The following DLG2 variants were observed in gnomAD, a reference collection of about 807,000 sequenced individuals.
The protein encoded by DLG2 is discs large MAGUK scaffold protein 2, also known as disks large homolog 2.
Under a neutral mutation model 132.5 loss-of-function variants are expected in DLG2, and 45 were observed. The ratio of observed to expected loss-of-function variants is 0.34; its 90% confidence interval spans 0.27 to 0.44. The LOEUF (loss-of-function observed/expected upper bound fraction) is 0.44, where lower values mean the gene tolerates loss of function less well. Among genes scored for constraint, DLG2 ranks in the 20% least tolerant of loss-of-function variants. DLG2 has a pLI of 1.00. For missense variants in DLG2, 1,045 were observed against 1,196.9 expected (o/e 0.87, Z 1.87); for synonymous variants, 424 against 419.6 (o/e 1.01, Z -0.13).
intron 15 of DLG2, among the ~76,000 whole-genome samples, chr11:83,925,041 A>G (rs1287017124): frequency 6.6e-6 from 1 of 152,178 alleles, no homozygotes; most frequent in East Asian, 1.9e-4. Flanking sequence ...TAATAATCTG[A>G]TTGTAGTTAT....
chr11:85,464,107 T>C (rs1050216459), intron 3 of DLG2, among the ~76,000 whole-genome samples: 6 of 151,530 alleles, frequency 4.0e-5, no homozygotes, highest in East Asian at 2.0e-4. Flanking sequence ...AGATATACAG[T>C]GATAAAACAA....
At chr11:85,561,017 G>A (rs778175908) in intron 3 of DLG2, among the ~76,000 whole-genome samples, 1 of 150,702 alleles carries the variant, frequency 6.6e-6, no homozygotes, top group Non-Finnish European at 1.5e-5. Flanking sequence ...GGATGGCAGA[G>A]TAACAACATC....
chr11:84,174,154 A>T (rs1566813156), intron 8 of DLG2, among the ~76,000 whole-genome samples: 1 of 144,932 alleles, frequency 6.9e-6, no homozygotes, highest in African/African-American at 2.5e-5. Flanking sequence ...TGTTAAGGAG[A>T]TTTTTTTTTT....
chr11:84,720,187 G>A, intron 6 of DLG2: 2 of 864,492 alleles, frequency 2.3e-6, no homozygotes, highest in Non-Finnish European at 2.8e-6. Context: ...CAGAGCAGTC[G>A]CAGCTTCTGT....
chr11:84,416,177 T>A (rs1392331737), intron 7 of DLG2, among the ~76,000 whole-genome samples: 2 of 150,450 alleles, frequency 1.3e-5, no homozygotes, highest in Non-Finnish European at 1.5e-5. Flanking sequence ...TTTGTTCTAT[T>A]TAGTTTCTTC....
At chr11:85,360,585 T>C (rs1596516714) in intron 3 of DLG2, among the ~76,000 whole-genome samples, 1 of 152,218 alleles carries the variant, frequency 6.6e-6, no homozygotes, top group Non-Finnish European at 1.5e-5. Flanking sequence ...CTGTCCTAAC[T>C]GATTAGTTTG....
At chr11:85,292,559 G>T (rs1475125608) in intron 3 of DLG2, among the ~76,000 whole-genome samples, 1 of 149,862 alleles carries the variant, frequency 6.7e-6, no homozygotes, top group Non-Finnish European at 1.5e-5. Flanking sequence ...ATACCCAAAG[G>T]GTCATGCAAA....
chr11:84,677,586 C>A (rs955490553), intron 6 of DLG2, among the ~76,000 whole-genome samples: 3 of 151,994 alleles, frequency 2.0e-5, no homozygotes, highest in Admixed American at 6.6e-5. Flanking sequence ...TATATCAGTT[C>A]AACCACTAAA....
chr11:83,747,993 A>T (rs2093039501), intron 18 of DLG2, among the ~76,000 whole-genome samples: 2 of 152,176 alleles, frequency 1.3e-5, no homozygotes, highest in African/African-American at 4.8e-5. Flanking sequence ...TGAGGCACTT[A>T]TAGAAATTAA....
chr11:85,293,844 G>A (rs931358204), intron 3 of DLG2, among the ~76,000 whole-genome samples: 1 of 152,110 alleles, frequency 6.6e-6, no homozygotes, highest in South Asian at 2.1e-4. Context: ...TTATATAAGA[G>A]AATATTCTTG....
intron 4 of DLG2, among the ~76,000 whole-genome samples, chr11:85,261,381 C>T (rs1276386052): frequency 6.6e-6 from 1 of 152,050 alleles, no homozygotes; most frequent in African/African-American, 2.4e-5. Context: ...ACCACATCCC[C>T]CACCCCCACC....
chr11:84,788,967 T>A (rs763704961), intron 6 of DLG2, among the ~76,000 whole-genome samples: 1 of 152,158 alleles, frequency 6.6e-6, no homozygotes, highest in South Asian at 2.1e-4. Flanking sequence ...TGCTATCAAA[T>A]AGAGTTTTTA....
chr11:84,882,211 C>A (rs1396870298), intron 6 of DLG2, among the ~76,000 whole-genome samples: 1 of 151,974 alleles, frequency 6.6e-6, no homozygotes, highest in African/African-American at 2.4e-5. Flanking sequence ...CAACACCAAA[C>A]TTTCTGAAGG....
At chr11:84,780,211 G>A (rs1337380685) in intron 6 of DLG2, among the ~76,000 whole-genome samples, 1 of 151,998 alleles carries the variant, frequency 6.6e-6, no homozygotes, top group Non-Finnish European at 1.5e-5. Flanking sequence ...TTATGCTAGG[G>A]ATGCAAAGAT....
At chr11:83,915,257 T>C (rs890946224) in intron 15 of DLG2, among the ~76,000 whole-genome samples, 1 of 152,108 alleles carries the variant, frequency 6.6e-6, no homozygotes, top group Non-Finnish European at 1.5e-5. Flanking sequence ...TCCAGTTCTC[T>C]GAGGAGTAAA....
intron 7 of DLG2, among the ~76,000 whole-genome samples, chr11:84,397,722 A>G (rs1293021896): frequency 6.6e-6 from 1 of 152,234 alleles, no homozygotes; most frequent in Non-Finnish European, 1.5e-5. Flanking sequence ...TTGTTGTGTT[A>G]CCACAGTTAG....
chr11:84,229,085 C>A (rs2097053230), intron 8 of DLG2, among the ~76,000 whole-genome samples: 1 of 152,102 alleles, frequency 6.6e-6, no homozygotes, highest in Non-Finnish European at 1.5e-5. Flanking sequence ...GGTAAGCACT[C>A]AAATAACTGA....
At chr11:85,110,328 G>C (rs957963633) in intron 6 of DLG2, among the ~76,000 whole-genome samples, 9 of 151,990 alleles carry the variant, frequency 5.9e-5, no homozygotes, top group South Asian at 2.1e-4. Flanking sequence ...TGAGGCACAA[G>C]AATCACTTGA....
At chr11:84,644,600 G>C (rs1473204040) in intron 6 of DLG2, among the ~76,000 whole-genome samples, 3 of 151,874 alleles carry the variant, frequency 2.0e-5, no homozygotes, top group African/African-American at 7.3e-5. Flanking sequence ...CAGCTGCTTG[G>C]GAGGCTGAGG....
Sources: allele counts gnomAD v4.1 joint callset (sites outside exome capture counted in the v4.1 genomes callset), GRCh38; gene constraint gnomAD v4.1.1; transcripts MANE v1.5; gene names NCBI Gene and HGNC (gene_info 2026-07-23, HGNC 2026-07-21).